The following MAP3K4 variants were observed in gnomAD, a reference collection of about 807,000 sequenced individuals.
MAP3K4 encodes MAP three kinase 1.
A neutral mutation model predicts 185.6 loss-of-function variants in MAP3K4; 67 were observed. The observed-to-expected ratio is 0.36, with a 90% CI of 0.30 to 0.44. The LOEUF is 0.44. Among genes scored for constraint, MAP3K4 ranks in the 20% least tolerant of loss-of-function variants. The pLI, the probability that MAP3K4 is intolerant of heterozygous loss-of-function variation, is 1.00. For missense variants in MAP3K4, 1,551 were observed against 1,995.1 expected (o/e 0.78, Z 4.24); for synonymous variants, 702 against 710.4 (o/e 0.99, Z 0.19).
chr6:161,086,204 A>G lies in MAP3K4; in HGVS notation c.2373-175A>G, dbSNP rs1785705332. Among the ~76,000 whole-genome samples, 1 of 152,254 alleles carries G rather than the reference A, an allele frequency of 6.6e-6. No homozygotes were observed. The highest frequency in any genetic ancestry group is 2.1e-4 in the South Asian group (1 of 4,836). On this transcript the variant is annotated intron_variant, in intron 7 of 26. Transcript: ENST00000392142. This position sits in a 1 kb window ranked among gnomAD's most constrained non-coding sequence, Gnocchi z 4.8. Reference sequence around the variant, plus strand: ...TATTTTCTACAAAACTGTCAGGAGCAGGCTTCTGAATGTTTTGACTACATC... The same window carrying G: ...TATTTTCTACAAAACTGTCAGGAGCGGGCTTCTGAATGTTTTGACTACATC...
rs892385092 is a variant in MAP3K4, at chr6:161,070,242, G to C, written c.1708-366G>C. ...CAGTAATTCTCTGGTTTTTTTCCCA[G>C]TCTAGAGATAGTTGTCGATAGTACT... is the stretch of plus-strand genomic sequence containing the variant. On this transcript the variant is annotated intron_variant, in intron 3 of 26. Transcript: ENST00000392142. The surrounding 1 kb of genome is among the most constrained non-coding windows in gnomAD (Gnocchi z 4.5). Among the ~76,000 whole-genome samples the C allele has an allele frequency of 1.3e-5, 2 of 152,082 alleles. No individual in the cohort carries two copies. Among genetic ancestry groups the C allele is most frequent in the Admixed American group, 1.3e-4 (2 of 15,260 alleles).
rs150286454 is a variant in MAP3K4, at chr6:161,084,189, A to G, written c.2256-312A>G. 9.3e-4 allele frequency among the ~76,000 whole-genome samples: 141 copies of G among 152,320 alleles called. No homozygotes were observed. The highest frequency in any genetic ancestry group is 3.2e-3 in the African/African-American group (132 of 41,576). On this transcript the variant is annotated intron_variant, in intron 6 of 26. Coordinates refer to ENST00000392142, the MANE Select transcript of MAP3K4 (RefSeq NM_005922.4). This position sits in a 1 kb window ranked among gnomAD's most constrained non-coding sequence, Gnocchi z 4.6. ...TTATCCTATCATTTAGTTTGAGGCC[A>G]TTTTATGGAAAATTTCCATTTAGAT... is the stretch of plus-strand genomic sequence containing the variant.
At chr6:161,032,033 T>A (rs1248038988) in intron 1 of MAP3K4, among the ~76,000 whole-genome samples, 1 of 152,226 alleles carries the variant, frequency 6.6e-6, no homozygotes, top group Non-Finnish European at 1.5e-5. Context: ...TCCTGGCAGT[T>A]ACCATTCTTA....
chr6:161,064,411 T>TA lies in MAP3K4; in HGVS notation c.1708-6196dup, dbSNP rs1159356265. On this transcript the variant is annotated intron_variant, in intron 3 of 26. Coordinates refer to ENST00000392142, the MANE Select transcript of MAP3K4 (RefSeq NM_005922.4). The surrounding 1 kb of genome is among the most constrained non-coding windows in gnomAD (Gnocchi z 4.3). ...ATTTTTCTGTTAATTGCTTATAACA[T>TA]ACATTAGATAACCCATTATTTTCCA... Among the ~76,000 whole-genome samples, 1 of 152,144 alleles carries TA rather than the reference T, an allele frequency of 6.6e-6. No individual in the cohort carries two copies. Among genetic ancestry groups the TA allele is most frequent in the Non-Finnish European group, 1.5e-5 (1 of 68,018 alleles).
chr6:160,992,166 C>T (rs1319895991), intron 1 of MAP3K4, 83 bp downstream of exon 1: 4 of 1,415,258 alleles, frequency 2.8e-6, no homozygotes, highest in Admixed American at 3.0e-5. Flanking sequence ...AGGGCCTCTG[C>T]TTCCCGCCAG....
chr6:161,031,398 T>C (rs928365122), intron 1 of MAP3K4, among the ~76,000 whole-genome samples: 1 of 152,230 alleles, frequency 6.6e-6, no homozygotes, highest in African/African-American at 2.4e-5. Flanking sequence ...TCATAAAAGT[T>C]AGCCTTTTTA....
intron 1 of MAP3K4, among the ~76,000 whole-genome samples, chr6:161,028,054 G>T (rs1202926679): frequency 6.6e-6 from 1 of 152,196 alleles, no homozygotes; most frequent in Admixed American, 6.5e-5. Flanking sequence ...TTAGGCCCGG[G>T]ACTGGTCCAG....
intron 1 of MAP3K4, among the ~76,000 whole-genome samples, chr6:161,021,185 A>T (rs1782368868): frequency 6.6e-6 from 1 of 152,194 alleles, no homozygotes; most frequent in African/African-American, 2.4e-5. Context: ...TAAGGTTTTT[A>T]TAATTCCAAA....
In MAP3K4 at chr6:161,008,590, T is replaced by C. The variant is rs1298356363; in HGVS notation, c.152+16507T>C. ...ACTTTGTGTTTAAATTTTTGTATGA[T>C]ATTTATTGTTGTATAATTTAACAAA... On this transcript the variant is annotated intron_variant, in intron 1 of 26. Coordinates refer to ENST00000392142, the MANE Select transcript of MAP3K4 (RefSeq NM_005922.4). This position sits in a 1 kb window ranked among gnomAD's most constrained non-coding sequence, Gnocchi z 4.1. Among the ~76,000 whole-genome samples the C allele has an allele frequency of 6.6e-6, 1 of 152,236 alleles. No homozygotes were observed.
intron 11 of MAP3K4, among the ~76,000 whole-genome samples, chr6:161,089,986 T>G (rs1480035808): frequency 6.6e-6 from 1 of 152,252 alleles, no homozygotes; most frequent in East Asian, 1.9e-4. Context: ...ATTTCCTGTT[T>G]TTGACACTTT....
intron 3 of MAP3K4, among the ~76,000 whole-genome samples, chr6:161,065,902 C>T (rs1416157953): frequency 8.7e-5 from 11 of 126,928 alleles, no homozygotes; most frequent in Non-Finnish European, 1.3e-4. Context: ...CGCGCCACTG[C>T]ACTCCAGCCT....
intron 2 of MAP3K4, among the ~76,000 whole-genome samples, chr6:161,041,107 A>G (rs1247459756): frequency 1.3e-5 from 2 of 152,312 alleles, no homozygotes; most frequent in Non-Finnish European, 1.5e-5. Context: ...GGTGGAGCAG[A>G]GCTAGAACTG....
At position 161,098,268 on chromosome 6, in the gene MAP3K4, CT is replaced by C. The variant is rs1777659431; in HGVS notation, c.3525-8del. 6.2e-7 allele frequency: 1 copy of C among 1,608,754 alleles called. No individual in the cohort carries two copies. The highest frequency in any genetic ancestry group is 1.7e-5 in the Admixed American group (1 of 59,564). Reference sequence around the variant, plus strand: ...CACATGTGTTCCTGAAGCTTTTCTTCTTGTCTTAGCACTCGGAGCATGCCTT... The same window carrying C: ...CACATGTGTTCCTGAAGCTTTTCTTCTGTCTTAGCACTCGGAGCATGCCTT... On this transcript the variant is annotated splice_polypyrimidine_tract_variant and intron_variant, in intron 16 of 26. Transcript: ENST00000392142. The surrounding 1 kb of genome is among the most constrained non-coding windows in gnomAD (Gnocchi z 4.4).
intron 2 of MAP3K4, among the ~76,000 whole-genome samples, chr6:161,046,076 C>T (rs1434421215): frequency 6.6e-6 from 1 of 152,098 alleles, no homozygotes; most frequent in Admixed American, 6.5e-5. Context: ...GATATTTCCA[C>T]GTGTATGTCC....
chr6:161,044,904 C>T (rs912777353), intron 2 of MAP3K4, among the ~76,000 whole-genome samples: 5 of 152,148 alleles, frequency 3.3e-5, no homozygotes, highest in African/African-American at 1.2e-4. Context: ...GGGGAGGGCA[C>T]TAAGCCATCC....
chr6:161,107,940 G>A lies in MAP3K4; in HGVS notation c.4090G>A (p.Asp1364Asn), dbSNP rs772013786. Residue 1364 changes from aspartate (D) to asparagine (N), a missense_variant, in exon 21 of 27, where the codon GAC becomes AAC. Asp to Asn is a conservative substitution (Grantham distance 23). Around this residue, in one of 16 missense-constraint regions of MAP3K4, gnomAD observed 159 missense variants for 300.5 expected, o/e 0.53. Transcript: ENST00000392142. The surrounding 1 kb of genome is among the most constrained non-coding windows in gnomAD (Gnocchi z 6.2). Reference protein sequence around the residue: ...YGKVYTCISVDTGELMAMKEI... With the variant: ...YGKVYTCISVNTGELMAMKEI... ...GAAGGTGTACACCTGCATCAGCGTC[G>A]ACACCGGGGAGCTGATGGCCATGAA... The A allele has an allele frequency of 2.5e-5, 41 of 1,613,848 alleles. No individual in the cohort carries two copies. The highest frequency in any genetic ancestry group is 3.3e-4 in the Middle Eastern group (2 of 6,084).
Position 161,108,681 on chromosome 6 carries a change from A to T in MAP3K4, c.4120-62A>T. ...GGGGTGCAAAATGATGTTTCAGTGT[A>T]TGTGTATAATGTAGAGTGATTAAAT... is the stretch of plus-strand genomic sequence containing the variant. On this transcript the variant is annotated intron_variant, in intron 21 of 26. Coordinates refer to ENST00000392142, the MANE Select transcript of MAP3K4 (RefSeq NM_005922.4). The surrounding 1 kb of genome is among the most constrained non-coding windows in gnomAD (Gnocchi z 5.7). 1 of 884,810 alleles carries T rather than the reference A, an allele frequency of 1.1e-6. No homozygotes were observed. The highest frequency in any genetic ancestry group is 1.3e-5 in the South Asian group (1 of 74,080). 54.8% of individuals were successfully genotyped at this position (884,810 alleles called of 1,614,324 possible).
At chr6:161,012,027 C>T (rs1187971498) in intron 1 of MAP3K4, among the ~76,000 whole-genome samples, 1 of 152,194 alleles carries the variant, frequency 6.6e-6, no homozygotes, top group Admixed American at 6.5e-5. Context: ...GCAATCTCCC[C>T]ACCCTCAGAT....
In MAP3K4 at chr6:161,064,380, G is replaced by T. The variant is rs1784610985; in HGVS notation, c.1708-6228G>T. Among the ~76,000 whole-genome samples, 1 of 151,836 alleles carries T rather than the reference G, an allele frequency of 6.6e-6. No individual in the cohort carries two copies. Among genetic ancestry groups the T allele is most frequent in the Non-Finnish European group, 1.5e-5 (1 of 67,984 alleles). ...GTGAGGTATAGTATGAGGTAAGCAT[G>T]TCATTATTTTTCTGTTAATTGCTTA... On this transcript the variant is annotated intron_variant, in intron 3 of 26. Transcript: ENST00000392142. This position sits in a 1 kb window ranked among gnomAD's most constrained non-coding sequence, Gnocchi z 4.3.
Sources: allele counts gnomAD v4.1 joint callset (sites outside exome capture counted in the v4.1 genomes callset), GRCh38; gene constraint gnomAD v4.1.1; regional missense constraint gnomAD v4.1.1; non-coding constraint Gnocchi (gnomAD v3.1); transcripts MANE v1.5; gene names NCBI Gene and HGNC (gene_info 2026-07-23, HGNC 2026-07-21).